PRKD2: variants seen among roughly 807,000 people sequenced by gnomAD.
PRKD2 encodes serine/threonine-protein kinase D2.
Under a neutral mutation model 86.0 loss-of-function variants are expected in PRKD2, and 22 were observed. The ratio of observed to expected loss-of-function variants is 0.26; its 90% CI spans 0.18 to 0.37. The LOEUF is 0.37. PRKD2 is among the 10% of genes least tolerant of loss of function. The pLI is 1.00. For missense variants in PRKD2, 818 were observed against 1,199.2 expected (o/e 0.68, Z 4.70); for synonymous variants, 509 against 510.9 (o/e 1.00, Z 0.05).
At chr19:46,690,188 A>G (rs1392865643) in intron 13 of PRKD2, among the ~76,000 whole-genome samples, 2 of 152,020 alleles carry the variant, frequency 1.3e-5, no homozygotes, top group Non-Finnish European at 2.9e-5. Flanking sequence ...ATCCTGGCCT[A>G]ACCCCTCTCT....
chr19:46,681,465 C>T (rs1460092037), intron 15 of PRKD2, among the ~76,000 whole-genome samples, 185 bp downstream of exon 15: 2 of 151,724 alleles, frequency 1.3e-5, no homozygotes, highest in Admixed American at 6.6e-5. Flanking sequence ...GCTATGTTGC[C>T]CAGGCTGGTC....
chr19:46,686,958 A>G (rs752381982), intron 14 of PRKD2, among the ~76,000 whole-genome samples: 3 of 151,966 alleles, frequency 2.0e-5, no homozygotes, highest in Non-Finnish European at 4.4e-5. Context: ...CTCAAAAAAA[A>G]ATAAAAAATA....
rs779264263 is a variant in PRKD2 at position 46,678,508 on chromosome 19, G to A, written c.2226C>T (p.Tyr742=). 1.1e-5 allele frequency: 18 copies of A among 1,614,110 alleles called. No individual in the cohort carries two copies. The highest frequency in any genetic ancestry group is 1.4e-5 in the Non-Finnish European group (17 of 1,180,052). Residue 742 remains tyrosine, a synonymous_variant, in exon 16 of 18, where the codon TAC becomes TAT. Coordinates refer to ENST00000291281, the MANE Select transcript of PRKD2 (RefSeq NM_016457.5). The surrounding 1 kb of genome is among the most constrained non-coding windows in gnomAD (Gnocchi z 5.7). Reference sequence around the variant, plus strand: ...AAGGGAAGGTGCCGCTGAGGCTGACGTACATGATCACGCCCACTGACCACA... The same window carrying A: ...AAGGGAAGGTGCCGCTGAGGCTGACATACATGATCACGCCCACTGACCACA... The part of the protein sequence containing the change: ...LDMWSVGVIM[Y]VSLSGTFPFN...
intron 14 of PRKD2, among the ~76,000 whole-genome samples, chr19:46,686,663 T>A (rs1228819006): frequency 2.1e-4 from 27 of 130,906 alleles, no homozygotes; most frequent in Non-Finnish European, 3.1e-4. Flanking sequence ...AAAAAAAAAA[T>A]AAAATAGGCC....
At chr19:46,705,191 G>A (rs1314116665) in intron 3 of PRKD2, among the ~76,000 whole-genome samples, 1 of 148,038 alleles carries the variant, frequency 6.8e-6, no homozygotes, top group Non-Finnish European at 1.5e-5. Context: ...TGCCTCAAAA[G>A]TCCCCGCCAA....
At position 46,680,946 on chromosome 19, in the gene PRKD2, A is replaced by ATATATATATATATTTTTT; in HGVS notation, c.2070+703_2070+704insAAAAAATATATATATATA. On this transcript the variant is annotated intron_variant, in intron 15 of 17. Transcript: ENST00000291281. ...AAACTATATATATATATATATATAT[A>ATATATATATATATTTTTT]TTTTTTTTTTTTTTTTTGAGACAGA... Among the ~76,000 whole-genome samples, 466 of 48,106 alleles carry ATATATATATATATTTTTT rather than the reference A, an allele frequency of 9.7e-3. 8 individuals carry two copies. The highest frequency in any genetic ancestry group is 0.012 in the Non-Finnish European group (304 of 24,750). The allele number at this position is 48,106 out of a possible 152,430, so 31.6% of individuals were successfully genotyped here.
At chr19:46,695,551 G>A (rs2053545297) in intron 9 of PRKD2, among the ~76,000 whole-genome samples, 1 of 152,236 alleles carries the variant, frequency 6.6e-6, no homozygotes, top group South Asian at 2.1e-4. Context: ...ACAAGGAAGA[G>A]CCTGGGCTTT....
chr19:46,700,514 C>T (rs2053620517), intron 7 of PRKD2, among the ~76,000 whole-genome samples: 1 of 151,952 alleles, frequency 6.6e-6, no homozygotes, highest in Admixed American at 6.6e-5. Flanking sequence ...AGCCTGTGGT[C>T]CCAGCTACTC....
intron 3 of PRKD2, among the ~76,000 whole-genome samples, chr19:46,706,192 T>C (rs2053711777): frequency 6.6e-6 from 1 of 152,126 alleles, no homozygotes; most frequent in Non-Finnish European, 1.5e-5. Context: ...TCCTCATCCA[T>C]GGAGAAATCA....
Position 46,674,728 on chromosome 19 carries a change from T to C in PRKD2, c.2432A>G (p.Gln811Arg). ...CAGCTCTCGGAGGTCCAGCCACGTCTGGTACTCCTGGGCCCGAGAGAACTG... is the reference window on the plus strand; with the variant it reads ...CAGCTCTCGGAGGTCCAGCCACGTCCGGTACTCCTGGGCCCGAGAGAACTG... ...SLSHPWLQEY[Q>R]TWLDLRELEG... The change falls in exon 18 of 18, where the codon CAG (glutamine) becomes CGG (arginine). Residue 811 changes from glutamine to arginine, a missense_variant. Transcript: ENST00000291281. 2 of 1,604,168 alleles carry C rather than the reference T, an allele frequency of 1.2e-6. No individual in the cohort carries two copies. Among genetic ancestry groups the C allele is most frequent in the Non-Finnish European group, 1.7e-6 (2 of 1,179,636 alleles).
chr19:46,691,652 T>C (rs1256300171), intron 12 of PRKD2, 83 bp downstream of exon 12: 7 of 1,376,468 alleles, frequency 5.1e-6, no homozygotes, highest in Admixed American at 1.7e-5. Flanking sequence ...AAGGAAGGGT[T>C]GGAGCCAGAA....
At position 46,716,539 on chromosome 19, in the gene PRKD2, G is replaced by A. The variant is rs2053883730; in HGVS notation, c.-169C>T. Reference sequence around the variant, plus strand: ...GGGACCTGAGGATGGCGGGGTCCTGGGAAGGAGAGAAAGGCACTATAGTGG... The same window carrying A: ...GGGACCTGAGGATGGCGGGGTCCTGAGAAGGAGAGAAAGGCACTATAGTGG... On this transcript the variant is annotated 5_prime_UTR_variant, in exon 1 of 18. Coordinates refer to ENST00000291281, the MANE Select transcript of PRKD2 (RefSeq NM_016457.5). This position sits in a 1 kb window ranked among gnomAD's most constrained non-coding sequence, Gnocchi z 7.9. The A allele has an allele frequency of 8.1e-6, 4 of 494,748 alleles. No individual in the cohort carries two copies. In the East Asian group the frequency reaches 1.4e-4, roughly 17 times the overall value. 30.6% of individuals were successfully genotyped at this position (494,748 alleles called of 1,614,324 possible). A position where few individuals can be genotyped will look rare whatever the true frequency, so the allele number is the denominator to read the frequency against.
At chr19:46,697,309 G>T (rs1226187630) in intron 8 of PRKD2, 75 bp from the exon 9 acceptor site, 13 of 1,132,796 alleles carry the variant, frequency 1.1e-5, no homozygotes, top group African/African-American at 9.4e-5. Context: ...AGCTGCTTGG[G>T]GCTCCAGGTG....
chr19:46,680,276 T>C (rs2053277424), intron 15 of PRKD2, among the ~76,000 whole-genome samples: 1 of 152,158 alleles, frequency 6.6e-6, no homozygotes, highest in Non-Finnish European at 1.5e-5. Flanking sequence ...ATGGATCTTT[T>C]TTAAAATTTT....
rs2053623212 is a variant in PRKD2 at position 46,700,735 on chromosome 19, G to T, written c.1121+64C>A. 9 of 1,554,808 alleles carry T rather than the reference G, an allele frequency of 5.8e-6. No homozygotes were observed. The Middle Eastern group carries it at 6.8e-4, about 118-fold the overall frequency. On this transcript the variant is annotated intron_variant, in intron 7 of 17. Transcript: ENST00000291281. The stretch of plus-strand genomic sequence containing the variant: ...GATGTCAGCCCATTGTAGAGAAAAA[G>T]AAATTGAGGTTCACTGTGCAGGAGG...
chr19:46,695,828 C>G (rs915329151), intron 9 of PRKD2, among the ~76,000 whole-genome samples: 1 of 151,908 alleles, frequency 6.6e-6, no homozygotes, highest in Non-Finnish European at 1.5e-5. Context: ...GTGAGGACAG[C>G]ATTATATTTT....
chr19:46,710,641 G>T, intron 3 of PRKD2: 1 of 430,456 alleles, frequency 2.3e-6, no homozygotes, highest in Non-Finnish European at 4.2e-6. Flanking sequence ...TGCTCCCCTA[G>T]GCTCTGTTCT....
intron 13 of PRKD2, 116 bp downstream of exon 13, chr19:46,690,484 C>A: frequency 2.4e-6 from 2 of 845,244 alleles, no homozygotes; most frequent in East Asian, 2.5e-5. Flanking sequence ...ACCTTCTCCC[C>A]TTCAGTCTCA....
rs1375810446 is a variant in PRKD2, at chr19:46,716,519, C to T, written c.-149G>A. ...AAAAGATCTGGCAGGCGGAGGGGAC[C>T]TGAGGATGGCGGGGTCCTGGGAAGG... On this transcript the variant is annotated 5_prime_UTR_variant, in exon 1 of 18. Transcript: ENST00000291281. This position sits in a 1 kb window ranked among gnomAD's most constrained non-coding sequence, Gnocchi z 7.9. 2.0e-6 allele frequency: 1 copy of T among 507,428 alleles called. No homozygotes were observed. Among genetic ancestry groups the T allele is most frequent in the Non-Finnish European group, 3.4e-6 (1 of 292,860 alleles). 31.4% of individuals were successfully genotyped at this position (507,428 alleles called of 1,614,324 possible). A position where few individuals can be genotyped will look rare whatever the true frequency, so the allele number is the denominator to read the frequency against.
Sources: gnomAD v4.1 joint callset for allele counts (sites outside exome capture counted in the v4.1 genomes callset) on GRCh38, gnomAD v4.1.1 for gene constraint, Gnocchi (gnomAD v3.1) non-coding constraint, MANE v1.5 for transcripts, NCBI Gene and HGNC (gene_info 2026-07-23, HGNC 2026-07-21) for gene names.